DPP6: variants seen among roughly 807,000 people sequenced by gnomAD.
DPP6 encodes the protein dipeptidyl peptidase like 6.
In DPP6, 69 loss-of-function variants were observed where a neutral mutation model predicts 122.6. The observed-to-expected ratio is 0.56, with a 90% CI of 0.46 to 0.69. The LOEUF is 0.69. DPP6 is among the 30% of genes least tolerant of loss of function. The pLI is 0.00. For synonymous variants in DPP6, 418 were observed against 433.1 expected (o/e 0.97, Z 0.43); for missense variants, 928 against 1,116.9 (o/e 0.83, Z 2.41).
chr7:154,720,619 T>C (rs947077073), intron 7 of DPP6, among the ~76,000 whole-genome samples: 1 of 152,166 alleles, frequency 6.6e-6, no homozygotes, highest in African/African-American at 2.4e-5. Context: ...TGGCAGGGGT[T>C]CCAGTGGACA....
intron 1 of DPP6, among the ~76,000 whole-genome samples, chr7:154,014,460 AC>A (rs1389645439): frequency 6.6e-6 from 1 of 150,620 alleles, no homozygotes; most frequent in Non-Finnish European, 1.5e-5. Context: ...TTCGAGACCA[AC>A]CTGCCCAACA....
chr7:154,013,165 C>A (rs1355245916), intron 1 of DPP6, among the ~76,000 whole-genome samples: 1 of 152,248 alleles, frequency 6.6e-6, no homozygotes, highest in African/African-American at 2.4e-5. Context: ...CCCTTCACCT[C>A]CAGGGTCATA....
At chr7:154,178,145 G>A (rs1737712124) in intron 1 of DPP6, among the ~76,000 whole-genome samples, 1 of 152,198 alleles carries the variant, frequency 6.6e-6, no homozygotes, top group Non-Finnish European at 1.5e-5. Flanking sequence ...CTTACAGAAG[G>A]TGGAAGTTAC....
intron 1 of DPP6, among the ~76,000 whole-genome samples, chr7:153,985,515 CCAGGT>C (rs1426152570): frequency 3.9e-5 from 6 of 152,176 alleles, no homozygotes; most frequent in Admixed American, 3.9e-4. Context: ...TCCCATTCTT[CCAGGT>C]CAGAGAGAAA....
At chr7:153,965,311 C>T (rs1490074323) in intron 1 of DPP6, among the ~76,000 whole-genome samples, 3 of 152,064 alleles carry the variant, frequency 2.0e-5, no homozygotes, top group Non-Finnish European at 2.9e-5. Context: ...CTGTCAGCTG[C>T]ATCTACTACT....
chr7:154,126,159 T>C (rs1807868121), intron 1 of DPP6, among the ~76,000 whole-genome samples: 1 of 152,144 alleles, frequency 6.6e-6, no homozygotes, highest in Non-Finnish European at 1.5e-5. Flanking sequence ...TCAATATTCA[T>C]TTTGGTTCTG....
the DPP6 span, among the ~76,000 whole-genome samples, chr7:153,783,095 C>A: frequency 6.6e-6 from 1 of 152,100 alleles, no homozygotes; most frequent in Non-Finnish European, 1.5e-5. Flanking sequence ...ACTGACGAGA[C>A]CTTTACAAAG....
At chr7:154,771,003 G>T (rs1004580298) in intron 9 of DPP6, among the ~76,000 whole-genome samples, 1 of 152,212 alleles carries the variant, frequency 6.6e-6, no homozygotes, top group Admixed American at 6.5e-5. Flanking sequence ...GTGACTGGAG[G>T]CTCACTTCCT....
At position 154,209,538 on chromosome 7, in the gene DPP6, G is replaced by A. The variant is rs1162704592; in HGVS notation, c.243+156475G>A. Among the ~76,000 whole-genome samples, 3 of 85,870 alleles carry A rather than the reference G, an allele frequency of 3.5e-5. No homozygotes were observed. In the Admixed American group the frequency reaches 4.1e-4, roughly 12 times the overall value. The allele number at this position is 85,870 out of a possible 152,430, so 56.3% of individuals were successfully genotyped here. On this transcript the variant is annotated intron_variant, in intron 1 of 25. Coordinates refer to ENST00000377770, the MANE Select transcript of DPP6 (RefSeq NM_130797.4). ...AACTCTCAGCTATTGTGAACAAGTT[G>A]AAGTTAAAAAAAAAAAACAAAAAAC...
At chr7:154,373,790 C>T (rs1385006122) in intron 1 of DPP6, among the ~76,000 whole-genome samples, 1 of 152,126 alleles carries the variant, frequency 6.6e-6, no homozygotes, top group Admixed American at 6.5e-5. Context: ...GCTCCCCATT[C>T]CCTCCTCCCG....
chr7:153,865,569 C>G, the DPP6 span, among the ~76,000 whole-genome samples: 1 of 152,128 alleles, frequency 6.6e-6, no homozygotes, highest in Admixed American at 6.5e-5. Context: ...AAATATATCA[C>G]AAGTACCTCT....
At chr7:154,137,307 A>G (rs1795605489) in intron 1 of DPP6, among the ~76,000 whole-genome samples, 1 of 151,914 alleles carries the variant, frequency 6.6e-6, no homozygotes, top group African/African-American at 2.4e-5. Context: ...CCCTCTTCCC[A>G]GTCAAAATCC....
At chr7:154,799,109 C>T (rs991747807) in intron 12 of DPP6, among the ~76,000 whole-genome samples, 2 of 152,108 alleles carry the variant, frequency 1.3e-5, no homozygotes, top group Non-Finnish European at 2.9e-5. Context: ...CTCAGGGAGA[C>T]CCGGCCTGCT....
intron 1 of DPP6, among the ~76,000 whole-genome samples, chr7:154,431,434 T>G (rs1818357944): frequency 2.1e-5 from 2 of 97,536 alleles, no homozygotes; most frequent in African/African-American, 3.3e-5. Flanking sequence ...AGGCTCTGTT[T>G]TTCTTTCCTT....
intron 1 of DPP6, among the ~76,000 whole-genome samples, chr7:153,949,746 A>C (rs964566999): frequency 2.0e-5 from 3 of 152,238 alleles, no homozygotes; most frequent in African/African-American, 7.2e-5. Context: ...GTGTAACTGC[A>C]AGGGGCAAAG....
At chr7:154,463,996 A>G (rs1821568823) in intron 2 of DPP6, among the ~76,000 whole-genome samples, 1 of 152,142 alleles carries the variant, frequency 6.6e-6, no homozygotes, top group Non-Finnish European at 1.5e-5. Flanking sequence ...CCCCAAGTGT[A>G]CTGGCTCTGA....
intron 1 of DPP6, among the ~76,000 whole-genome samples, chr7:154,179,021 C>G (rs1797947636): frequency 6.6e-6 from 1 of 152,116 alleles, no homozygotes. Flanking sequence ...CCAGGATGGC[C>G]CAGAAGCAAC....
At chr7:154,526,423 G>A (rs191168442) in intron 3 of DPP6, among the ~76,000 whole-genome samples, 2 of 152,188 alleles carry the variant, frequency 1.3e-5, no homozygotes, top group African/African-American at 2.4e-5. Context: ...AGATAGTGCT[G>A]TCCAAAAGAA....
chr7:154,113,510 G>A (rs1328058631), intron 1 of DPP6, among the ~76,000 whole-genome samples: 2 of 151,964 alleles, frequency 1.3e-5, no homozygotes, highest in African/African-American at 2.4e-5. Flanking sequence ...CCTCTTTGTG[G>A]TTTTGATTTC....
Sources: gnomAD v4.1 joint callset for allele counts (sites outside exome capture counted in the v4.1 genomes callset) on GRCh38, gnomAD v4.1.1 for gene constraint, MANE v1.5 for transcripts, NCBI Gene and HGNC (gene_info 2026-07-23, HGNC 2026-07-21) for gene names.